CELF1: variants seen among roughly 807,000 people sequenced by gnomAD.
The protein encoded by CELF1 is 50 kDa nuclear polyadenylated RNA-binding protein.
Under a neutral mutation model 61.8 loss-of-function variants are expected in CELF1, and 10 were observed. The ratio of observed to expected loss-of-function variants is 0.16; its 90% CI spans 0.10 to 0.27. CELF1 has a LOEUF of 0.27. Ranked by LOEUF, CELF1 falls within the 10% of genes least tolerant of loss-of-function variation. The pLI is 1.00. For synonymous variants in CELF1, 236 were observed against 225.1 expected (o/e 1.05, Z -0.43); for missense variants, 380 against 639.1 (o/e 0.59, Z 4.37).
intron 3 of CELF1, chr11:47,494,340 T>G (rs1596786762): frequency 5.2e-6 from 5 of 956,064 alleles, no homozygotes; most frequent in Non-Finnish European, 6.2e-6. Flanking sequence ...CCTGAGGAGG[T>G]AGTTACTCTC....
chr11:47,555,999 C>CAAA (rs34873224), upstream of CELF1, among the ~76,000 whole-genome samples: 559 of 53,396 alleles, frequency 0.01, 8 homozygotes, highest in African/African-American at 0.035. Flanking sequence ...GACTCTGTCT[C>CAAA]AAAAAAAAAA....
At chr11:47,503,258 A>C (rs1413078504) in intron 1 of CELF1, among the ~76,000 whole-genome samples, 2 of 152,236 alleles carry the variant, frequency 1.3e-5, no homozygotes, top group African/African-American at 4.8e-5. Flanking sequence ...TAGAAAAGAG[A>C]AAGGCTAGCA....
At chr11:47,551,428 T>C (rs2097134228) in intron 1 of CELF1, among the ~76,000 whole-genome samples, 1 of 152,232 alleles carries the variant, frequency 6.6e-6, no homozygotes, top group Non-Finnish European at 1.5e-5. Flanking sequence ...AGAAACCACA[T>C]ACTAGGTAAG....
Position 47,483,604 on chromosome 11 carries a change from T to C in CELF1, c.527-72A>G, listed in dbSNP as rs998332171. 6.5e-6 allele frequency: 7 copies of C among 1,084,970 alleles called. No homozygotes were observed. In the Admixed American group the frequency reaches 1.0e-4, roughly 16 times the overall value. 67.2% of individuals were successfully genotyped at this position (1,084,970 alleles called of 1,614,324 possible). A position where few individuals can be genotyped will look rare whatever the true frequency, so the allele number is the denominator to read the frequency against. ...ACAAACATTAACTGAGCACCTACTA[T>C]GTGCTGACTATCATGCTAGCAATAC... On this transcript the variant is annotated intron_variant, in intron 7 of 14. Coordinates refer to ENST00000687097, the MANE Select transcript of CELF1 (RefSeq NM_001376376.1).
At chr11:47,535,671 C>G (rs1300509175) in intron 1 of CELF1, among the ~76,000 whole-genome samples, 1 of 147,004 alleles carries the variant, frequency 6.8e-6, no homozygotes, top group African/African-American at 2.6e-5. Flanking sequence ...AAGAGCGAAA[C>G]CCCATCTCAA....
chr11:47,514,583 T>G lies in CELF1; in HGVS notation c.-153-13651A>C, dbSNP rs572882853. Among the ~76,000 whole-genome samples the G allele has an allele frequency of 2.6e-5, 4 of 151,134 alleles. No homozygotes were observed. In the Admixed American group the frequency reaches 2.7e-4, roughly 10 times the overall value. ...TTAAAAATCTCTTTTTGGCCAGGCATGATGGCTCATGCCTGTAATCCCAGC... is the reference window on the plus strand; with the variant it reads ...TTAAAAATCTCTTTTTGGCCAGGCAGGATGGCTCATGCCTGTAATCCCAGC... On this transcript the variant is annotated intron_variant, in intron 1 of 14. Transcript: ENST00000687097.
chr11:47,526,686 G>A (rs1463262647), intron 1 of CELF1, among the ~76,000 whole-genome samples: 1 of 152,138 alleles, frequency 6.6e-6, no homozygotes, highest in East Asian at 1.9e-4. Context: ...CCCTGTCACA[G>A]GGAAATAGAA....
intron 13 of CELF1, among the ~76,000 whole-genome samples, chr11:47,473,709 C>T (rs1355695240): frequency 1.3e-5 from 2 of 152,182 alleles, no homozygotes; most frequent in African/African-American, 4.8e-5. Context: ...GGAAATGTTC[C>T]TAATCTGTGG....
chr11:47,533,406 G>A (rs1329414835), intron 1 of CELF1, among the ~76,000 whole-genome samples: 1 of 152,154 alleles, frequency 6.6e-6, no homozygotes, highest in Non-Finnish European at 1.5e-5. Context: ...CAGATTGCCT[G>A]AGCTCAGGAG....
chr11:47,516,309 A>G (rs981266583), intron 1 of CELF1, among the ~76,000 whole-genome samples: 6 of 152,196 alleles, frequency 3.9e-5, no homozygotes, highest in Non-Finnish European at 8.8e-5. Context: ...GCTCTAATAC[A>G]CTGAAAGTAA....
chr11:47,519,648 G>T (rs1024735448), intron 1 of CELF1, among the ~76,000 whole-genome samples: 1 of 152,080 alleles, frequency 6.6e-6, no homozygotes, highest in Non-Finnish European at 1.5e-5. Context: ...AAGGCGGGTG[G>T]ATCACAAGGT....
At chr11:47,524,563 C>CAGAG (rs368794266) in intron 1 of CELF1, 24 of 152,382 alleles carry the variant, frequency 1.6e-4, no homozygotes, top group African/African-American at 5.8e-4. Context: ...CAGAGACGCA[C>CAGAG]ACAGACAGAC....
intron 1 of CELF1, among the ~76,000 whole-genome samples, chr11:47,504,807 C>G (rs938818302): frequency 6.8e-6 from 1 of 147,486 alleles, no homozygotes; most frequent in African/African-American, 2.5e-5. Context: ...GAGGCTGAGA[C>G]AGGAGAATCG....
chr11:47,564,113 G>C (rs1157221780), intron 2 of CELF1, among the ~76,000 whole-genome samples: 1 of 140,252 alleles, frequency 7.1e-6, no homozygotes, highest in Admixed American at 7.5e-5. Context: ...ATCACCATAG[G>C]TCAGGAGTTC....
chr11:47,529,275 A>T (rs1458072392), intron 1 of CELF1, among the ~76,000 whole-genome samples: 1 of 135,984 alleles, frequency 7.4e-6, no homozygotes, highest in African/African-American at 2.5e-5. Flanking sequence ...AAAGTAGGAG[A>T]CGAGGCCGGG....
At chr11:47,506,740 G>C (rs567398909) in intron 1 of CELF1, 1 of 152,332 alleles carries the variant, frequency 6.6e-6, no homozygotes, top group East Asian at 1.9e-4. Context: ...ATCCCATAAT[G>C]TACAAAAGAA....
At chr11:47,547,684 G>GA (rs1275685909) in intron 1 of CELF1, among the ~76,000 whole-genome samples, 14 of 70,746 alleles carry the variant, frequency 2.0e-4, no homozygotes, top group Admixed American at 6.9e-4. Flanking sequence ...AAAAAAAAAA[G>GA]AAAAAAAAAA....
At chr11:47,531,621 AG>A (rs2096479805) in intron 1 of CELF1, among the ~76,000 whole-genome samples, 1 of 152,114 alleles carries the variant, frequency 6.6e-6, no homozygotes, top group East Asian at 1.9e-4. Flanking sequence ...TTGAACCCCA[AG>A]CTCACTTTTG....
At chr11:47,484,251 G>T in intron 7 of CELF1, 138 bp downstream of exon 7, 1 of 832,556 alleles carries the variant, frequency 1.2e-6, no homozygotes, top group Non-Finnish European at 1.9e-6. Flanking sequence ...GGAGGTTCAG[G>T]CTGCAGTGAG....
Sources: allele counts gnomAD v4.1 joint callset (sites outside exome capture counted in the v4.1 genomes callset), GRCh38; gene constraint gnomAD v4.1.1; transcripts MANE v1.5; gene names NCBI Gene and HGNC (gene_info 2026-07-23, HGNC 2026-07-21).